POGZ: variants seen among roughly 807,000 people sequenced by gnomAD.
POGZ encodes the protein pogo transposable element derived with ZNF domain.
POGZ carries 17 observed loss-of-function variants against 134.6 expected under a neutral mutation model. That is an observed-to-expected ratio of 0.13 (90% CI 0.09 to 0.19). POGZ has a LOEUF of 0.19. Ranked by LOEUF, POGZ falls within the 10% of genes least tolerant of loss-of-function variation. The pLI is 1.00. For missense variants in POGZ, 1,306 were observed against 1,769.7 expected (o/e 0.74, Z 4.70); for synonymous variants, 693 against 657.1 (o/e 1.05, Z -0.84).
rs775822038 is a variant in POGZ at position 151,411,706 on chromosome 1, A to G, written c.1845T>C (p.Asp615=). 1 of 1,613,608 alleles carries G rather than the reference A, an allele frequency of 6.2e-7. No individual in the cohort carries two copies. Among genetic ancestry groups the G allele is most frequent in the Non-Finnish European group, 8.5e-7 (1 of 1,179,572 alleles). Residue 615 remains aspartate (D), a synonymous_variant, in exon 12 of 19, where the codon GAT becomes GAC. Transcript: ENST00000271715. ...AATAAGGGCAGAGCAGATGCCGGGT[A>G]TCCTCATGGATCATCCGAAAATGGA... ...VDVHFRMIHE[D]TRHLLCPYCL... is the part of the protein sequence containing the mutation.
At chr1:151,420,877 T>G (rs1486356777) in intron 10 of POGZ, among the ~76,000 whole-genome samples, 1 of 152,030 alleles carries the variant, frequency 6.6e-6, no homozygotes, top group Non-Finnish European at 1.5e-5. Context: ...TGCCTGTTTT[T>G]TTAAACTTTA....
rs774407231 is a variant in POGZ, at chr1:151,424,026, G to T, written c.1446C>A (p.Ala482=). Residue 482 remains alanine (A), a synonymous_variant, in exon 9 of 19, where the codon GCC becomes GCA. Coordinates refer to ENST00000271715, the MANE Select transcript of POGZ (RefSeq NM_015100.4). ...FYYGRDGGKV[A]QLTNFPKVAT... ...CGACCTTAGGGAAATTTGTGAGCTG[G>T]GCTACTTTGCCACCATCCCGTCCAT... 1.9e-6 allele frequency: 3 copies of T among 1,614,076 alleles called. No individual in the cohort carries two copies. The highest frequency in any genetic ancestry group is 1.7e-5 in the Admixed American group (1 of 59,992).
At chr1:151,409,400 G>A (rs1654262353) in intron 12 of POGZ, among the ~76,000 whole-genome samples, 1 of 80,644 alleles carries the variant, frequency 1.2e-5, no homozygotes, top group Non-Finnish European at 4.6e-5. Flanking sequence ...TTTGAGACAG[G>A]GTCTCTCTCT....
At chr1:151,411,810 G>C (rs748739586) in intron 11 of POGZ, 39 bp from the exon 12 acceptor site, 1 of 1,551,554 alleles carries the variant, frequency 6.4e-7, no homozygotes. Flanking sequence ...TAAGAATGAA[G>C]TGAACAACTG....
rs1184108162 is a variant in POGZ at position 151,404,648 on chromosome 1, G to C, written c.*154C>G. On this transcript the variant is annotated 3_prime_UTR_variant, in exon 19 of 19. Coordinates refer to ENST00000271715, the MANE Select transcript of POGZ (RefSeq NM_015100.4). The stretch of plus-strand genomic sequence containing the variant: ...TTCCTAATTAATCCACAAATCCACA[G>C]GGAAGTGTAAGTCAACTTCAGGGGG... 7.2e-7 allele frequency: 1 copy of C among 1,389,744 alleles called. No individual in the cohort carries two copies. The highest frequency in any genetic ancestry group is 1.8e-5 in the South Asian group (1 of 54,416). The allele number at this position is 1,389,744 out of a possible 1,614,324, so 86.1% of individuals were successfully genotyped here.
intron 11 of POGZ, 30 bp downstream of exon 11, chr1:151,412,266 G>T (rs765327741): frequency 8.0e-7 from 1 of 1,242,250 alleles, no homozygotes; most frequent in Non-Finnish European, 1.2e-6. Flanking sequence ...GGGCAAAACT[G>T]CTAAAACTCC....
intron 10 of POGZ, among the ~76,000 whole-genome samples, chr1:151,422,852 A>G (rs995812807): frequency 6.6e-6 from 1 of 152,160 alleles, no homozygotes; most frequent in East Asian, 1.9e-4. Context: ...TCGGCCTCCC[A>G]AAGTGTTGGG....
At chr1:151,447,860 G>A (rs78389955) in intron 1 of POGZ, among the ~76,000 whole-genome samples, 2,254 of 151,940 alleles carry the variant, frequency 0.015, 50 homozygotes, top group African/African-American at 0.05. Context: ...CAGTGGGAAC[G>A]TCTTCAGTTG....
intron 10 of POGZ, among the ~76,000 whole-genome samples, chr1:151,416,852 A>C (rs180759799): frequency 1.3e-5 from 2 of 151,990 alleles, no homozygotes; most frequent in African/African-American, 4.8e-5. Context: ...GGCTGTTCTC[A>C]AACTCCTGGG....
rs1653164076 is a variant in POGZ, at chr1:151,404,124, G to A, written c.*678C>T. 1 of 985,264 alleles carries A rather than the reference G, an allele frequency of 1.0e-6. No individual in the cohort carries two copies. The allele number at this position is 985,264 out of a possible 1,614,324, so 61.0% of individuals were successfully genotyped here. On this transcript the variant is annotated 3_prime_UTR_variant, in exon 19 of 19. Transcript: ENST00000271715. The stretch of plus-strand genomic sequence containing the variant: ...AAAGGTGGTTTCATGCATTTTTAAA[G>A]CCACAATTTTATATCTAGGGTTGCT...
At chr1:151,411,104 G>A (rs752991832) in intron 12 of POGZ, among the ~76,000 whole-genome samples, 2 of 152,130 alleles carry the variant, frequency 1.3e-5, no homozygotes, top group Admixed American at 6.6e-5. Context: ...CATCACTCCA[G>A]GGCTTAAAAC....
chr1:151,408,877 A>C lies in POGZ; in HGVS notation c.1927-49T>G, dbSNP rs186457850. On this transcript the variant is annotated intron_variant, in intron 12 of 18. Transcript: ENST00000271715. ...GAGACAAAATCCCTTAAAGGTTCCT[A>C]ATAAATTTTCTTTTTTGAGGAGAAA... 514 of 1,566,090 alleles carry C rather than the reference A, an allele frequency of 3.3e-4. 1 individual carries two copies. The African/African-American group carries it at 6.1e-3, about 19-fold the overall frequency.
At chr1:151,448,831 C>T (rs1661627723) in intron 1 of POGZ, among the ~76,000 whole-genome samples, 1 of 152,144 alleles carries the variant, frequency 6.6e-6, no homozygotes, top group Non-Finnish European at 1.5e-5. Context: ...AGCCACTGCA[C>T]TCCAACCTGG....
rs552796622 is a variant in POGZ, at chr1:151,415,918, A to G, written c.1679-3522T>C. Reference sequence around the variant, plus strand: ...TTCTGTATTAGACATAAATATTAAAAGACTATGAATCAGGGCCGGGTGCAC... The same window carrying G: ...TTCTGTATTAGACATAAATATTAAAGGACTATGAATCAGGGCCGGGTGCAC... On this transcript the variant is annotated intron_variant, in intron 10 of 18. Coordinates refer to ENST00000271715, the MANE Select transcript of POGZ (RefSeq NM_015100.4). 7.5e-4 allele frequency among the ~76,000 whole-genome samples: 114 copies of G among 151,984 alleles called. No individual in the cohort carries two copies. The South Asian group carries it at 0.022, about 30-fold the overall frequency.
In POGZ at chr1:151,406,469, A is replaced by C. The variant is rs1164346341; in HGVS notation, c.2571-5T>G. 1 of 1,554,212 alleles carries C rather than the reference A, an allele frequency of 6.4e-7. No homozygotes were observed. Among genetic ancestry groups the C allele is most frequent in the Non-Finnish European group, 8.7e-7 (1 of 1,155,106 alleles). ...CGGTCACGAGTCTGGCCATGCCTAA[A>C]GGGGTGAGGAGCAAAGAGAAGAGGA... is the stretch of plus-strand genomic sequence containing the variant. On this transcript the variant is annotated splice_polypyrimidine_tract_variant and splice_region_variant and intron_variant, in intron 18 of 18. Transcript: ENST00000271715.
At chr1:151,431,911 C>T (rs1029932555) in intron 3 of POGZ, among the ~76,000 whole-genome samples, 1 of 151,848 alleles carries the variant, frequency 6.6e-6, no homozygotes, top group South Asian at 2.1e-4. Flanking sequence ...GCTCACACCT[C>T]TAATCCCAGT....
chr1:151,440,971 G>A lies in POGZ; in HGVS notation c.240C>T (p.Asp80=), dbSNP rs930874795. The A allele has an allele frequency of 1.2e-6, 2 of 1,613,838 alleles. No individual in the cohort carries two copies. Among genetic ancestry groups the A allele is most frequent in the Non-Finnish European group, 8.5e-7 (1 of 1,179,816 alleles). Residue 80 remains aspartate, a synonymous_variant, in exon 3 of 19, where the codon GAC becomes GAT. Coordinates refer to ENST00000271715, the MANE Select transcript of POGZ (RefSeq NM_015100.4). ...TVSSSGAQNS[D]STKKTLVTLI... is the part of the protein sequence containing the mutation. ...GTGTGACAAGAGTCTTCTTTGTACT[G>A]TCGCTGTTCTGTGCCCCGCTGCTAC...
chr1:151,456,064 C>G (rs1204502212), intron 1 of POGZ, among the ~76,000 whole-genome samples: 2 of 151,984 alleles, frequency 1.3e-5, no homozygotes, highest in South Asian at 2.1e-4. Flanking sequence ...TCTTAAAGGA[C>G]AGTTAACATT....
rs1173289085 is a variant in POGZ at position 151,415,881 on chromosome 1, G to C, written c.1679-3485C>G. Reference sequence around the variant, plus strand: ...GGCTCACAGGACACCTCACCACCAAGCAGGTTAAGATTTCTGTATTAGACA... The same window carrying C: ...GGCTCACAGGACACCTCACCACCAACCAGGTTAAGATTTCTGTATTAGACA... On this transcript the variant is annotated intron_variant, in intron 10 of 18. Transcript: ENST00000271715. 3.9e-5 allele frequency among the ~76,000 whole-genome samples: 6 copies of C among 152,004 alleles called. No individual in the cohort carries two copies. In the East Asian group the frequency reaches 1.2e-3, roughly 30 times the overall value.
Sources: allele counts gnomAD v4.1 joint callset (sites outside exome capture counted in the v4.1 genomes callset), GRCh38; gene constraint gnomAD v4.1.1; transcripts MANE v1.5; gene names NCBI Gene and HGNC (gene_info 2026-07-23, HGNC 2026-07-21).